Variants in TTC28 observed in about 807,000 individuals in gnomAD.
TTC28 encodes the protein tetratricopeptide repeat domain 28.
Under a neutral mutation model 198.0 loss-of-function variants are expected in TTC28, and 61 were observed. That is an observed-to-expected ratio of 0.31 (90% CI 0.25 to 0.38). The LOEUF (loss-of-function observed/expected upper bound fraction) is 0.38, where lower values mean the gene tolerates loss of function less well. Ranked by LOEUF, TTC28 falls within the 10% of genes least tolerant of loss-of-function variation. The pLI is 1.00. For synonymous variants in TTC28, 1,171 were observed against 1,297.8 expected (o/e 0.90, Z 2.10); for missense variants, 2,678 against 3,164.0 (o/e 0.85, Z 3.69).
chr22:28,550,657 C>CT (rs2049650624), intron 2 of TTC28, among the ~76,000 whole-genome samples: 1 of 152,008 alleles, frequency 6.6e-6, no homozygotes, highest in Non-Finnish European at 1.5e-5. Context: ...TAAAAAGTAC[C>CT]ATAAATTCTA....
Position 28,663,437 on chromosome 22 carries a change from T to C in TTC28, c.102+16185A>G, listed in dbSNP as rs1206476901. On this transcript the variant is annotated intron_variant, in intron 1 of 22. Transcript: ENST00000397906. Reference sequence around the variant, plus strand: ...GACAGTGGGCGCAGGCCAGTGTGTGTGCGCACCGTGCGCGAGCCGAAGCAG... The same window carrying C: ...GACAGTGGGCGCAGGCCAGTGTGTGCGCGCACCGTGCGCGAGCCGAAGCAG... Among the ~76,000 whole-genome samples, 581 of 144,236 alleles carry C rather than the reference T, an allele frequency of 4.0e-3. 2 individuals carry two copies. The highest frequency in any genetic ancestry group is 0.014 in the African/African-American group (541 of 38,698). 94.6% of individuals were successfully genotyped at this position (144,236 alleles called of 152,430 possible).
intron 2 of TTC28, among the ~76,000 whole-genome samples, chr22:28,317,781 C>A (rs1435699556): frequency 6.6e-6 from 1 of 152,148 alleles, no homozygotes; most frequent in Non-Finnish European, 1.5e-5. Context: ...CATAAAGTAT[C>A]AAGCAGTGAA....
intron 12 of TTC28, among the ~76,000 whole-genome samples, chr22:28,090,881 T>A (rs928333959): frequency 2.0e-5 from 3 of 152,150 alleles, no homozygotes; most frequent in African/African-American, 7.2e-5. Flanking sequence ...CAATATGAGT[T>A]TAAGCTCACA....
chr22:28,014,282 G>T lies in TTC28; in HGVS notation c.4184C>A (p.Ala1395Asp), dbSNP rs776057134. 13 of 1,551,658 alleles carry T rather than the reference G, an allele frequency of 8.4e-6. No individual in the cohort carries two copies. The South Asian group carries it at 1.3e-4, about 16-fold the overall frequency. Residue 1395 changes from alanine (A) to aspartate (D), a missense_variant, in exon 14 of 23, where the codon GCC (alanine) becomes GAC (aspartate). Ala to Asp is a moderately radical substitution (Grantham distance 126, BLOSUM62 -2). Around this residue, in one of 8 missense-constraint regions of TTC28, gnomAD observed 727 missense variants for 861.9 expected, o/e 0.84. Coordinates refer to ENST00000397906, the MANE Select transcript of TTC28 (RefSeq NM_001145418.2). Reference sequence around the variant, plus strand: ...GGGCGCGATGAGCAGGTCATACAGGGCACGGAGCGGGGGCTTGGCAAACGA... The same window carrying T: ...GGGCGCGATGAGCAGGTCATACAGGTCACGGAGCGGGGGCTTGGCAAACGA... ...QSSFAKPPLR[A>D]LYDLLIAPME...
At chr22:28,285,452 G>C (rs900775661) in intron 5 of TTC28, among the ~76,000 whole-genome samples, 2 of 152,116 alleles carry the variant, frequency 1.3e-5, no homozygotes, top group African/African-American at 4.8e-5. Flanking sequence ...CAAACCTTCA[G>C]TTATAAGACA....
intron 5 of TTC28, among the ~76,000 whole-genome samples, chr22:28,243,174 CAAAAAAAAAAAAAAAAAAAAAAAAAAAA>C (rs754700795): frequency 1.5e-5 from 1 of 68,320 alleles, no homozygotes; most frequent in Non-Finnish European, 2.6e-5. Flanking sequence ...CCCCTCTCTA[CAAAAAAAAAAAAAAAAAAAAAAAAAAAA>C]AAAAAAAAAA....
At chr22:28,591,030 C>CATAT (rs2050420189) in intron 2 of TTC28, among the ~76,000 whole-genome samples, 7 of 68,522 alleles carry the variant, frequency 1.0e-4, no homozygotes, top group Non-Finnish European at 2.0e-4. Context: ...CACACACACA[C>CATAT]ACACACACAC....
chr22:27,983,094 A>T lies in TTC28; in HGVS notation c.6573T>A (p.Asn2191Lys), dbSNP rs1157945085. The T allele has an allele frequency of 6.4e-7, 1 of 1,551,648 alleles. No homozygotes were observed. Among genetic ancestry groups the T allele is most frequent in the Admixed American group, 2.0e-5 (1 of 50,996 alleles). The change falls in exon 23 of 23, where the codon AAT becomes AAA. Residue 2191 changes from asparagine (N) to lysine (K), a missense_variant. Around this residue, in one of 8 missense-constraint regions of TTC28, gnomAD observed 622 missense variants for 656.0 expected, o/e 0.95. Transcript: ENST00000397906. ...GCGCCTGAACGCCGTCTTCAGGGTTATTACTCTTGCTCACCTGGCCGCCGC... is the reference window on the plus strand; with the variant it reads ...GCGCCTGAACGCCGTCTTCAGGGTTTTTACTCTTGCTCACCTGGCCGCCGC... ...QRSGGQVSKS[N>K]NPEDGVQAPS... is the part of the protein sequence containing the mutation.
intron 5 of TTC28, among the ~76,000 whole-genome samples, chr22:28,235,541 C>G (rs1307704379): frequency 1.3e-5 from 2 of 152,100 alleles, no homozygotes; most frequent in Non-Finnish European, 2.9e-5. Context: ...GATAAGAAAA[C>G]ATTTTATAAA....
chr22:28,537,561 G>A (rs1231257990), intron 2 of TTC28, among the ~76,000 whole-genome samples: 1 of 151,966 alleles, frequency 6.6e-6, no homozygotes, highest in Non-Finnish European at 1.5e-5. Flanking sequence ...GGAGTAGGGA[G>A]AGGCTGTCAA....
intron 12 of TTC28, among the ~76,000 whole-genome samples, chr22:28,091,547 A>G (rs1941814238): frequency 6.6e-6 from 1 of 152,176 alleles, no homozygotes; most frequent in South Asian, 2.1e-4. Context: ...AGGGAAAGGT[A>G]GCAGGGCAGA....
At chr22:28,566,719 GAGAAAAAAAGTTCTTGAAAATC>G (rs2049975469) in intron 2 of TTC28, among the ~76,000 whole-genome samples, 1 of 151,950 alleles carries the variant, frequency 6.6e-6, no homozygotes, top group Non-Finnish European at 1.5e-5. Context: ...AAAGAACAAA[GAGAAAAAAAGTTCTTGAAAATC>G]AGAAATAAGA....
chr22:28,456,323 G>A (rs1326354569), intron 2 of TTC28, among the ~76,000 whole-genome samples: 1 of 152,136 alleles, frequency 6.6e-6, no homozygotes, highest in African/African-American at 2.4e-5. Context: ...GGGGGATGGA[G>A]GCAATGAGGA....
In TTC28 at chr22:28,554,943, G is replaced by A. The variant is rs986571723; in HGVS notation, c.381+74609C>T. On this transcript the variant is annotated intron_variant, in intron 2 of 22. Coordinates refer to ENST00000397906, the MANE Select transcript of TTC28 (RefSeq NM_001145418.2). ...ATCCACGGAGTGAGAAAAAGTCTTC[G>A]CAATCTATATATCCAACAAAGGACT... Among the ~76,000 whole-genome samples, 77 of 152,056 alleles carry A rather than the reference G, an allele frequency of 5.1e-4. 2 individuals are homozygous for A. Among genetic ancestry groups the A allele is most frequent in the South Asian group, 2.1e-4 (1 of 4,818 alleles).
chr22:28,380,842 C>T (rs1039777580), intron 2 of TTC28, among the ~76,000 whole-genome samples: 9 of 152,128 alleles, frequency 5.9e-5, no homozygotes, highest in African/African-American at 2.2e-4. Context: ...ACTATTTTTA[C>T]AGATGAGTGC....
chr22:28,305,083 C>G (rs2045112773), intron 3 of TTC28, among the ~76,000 whole-genome samples: 1 of 152,028 alleles, frequency 6.6e-6, no homozygotes, highest in Non-Finnish European at 1.5e-5. Context: ...CCCCGCCTCC[C>G]AGGTTCAAGC....
intron 2 of TTC28, among the ~76,000 whole-genome samples, chr22:28,332,151 A>C (rs1348400035): frequency 6.6e-6 from 1 of 152,028 alleles, no homozygotes; most frequent in Non-Finnish European, 1.5e-5. Flanking sequence ...AGAATCCCAA[A>C]TGCTTAAAAA....
chr22:28,646,019 T>A (rs2146250890), intron 1 of TTC28, among the ~76,000 whole-genome samples: 1 of 152,100 alleles, frequency 6.6e-6, no homozygotes, highest in African/African-American at 2.4e-5. Flanking sequence ...AACGAGATAA[T>A]GATGCCCATT....
chr22:28,251,592 T>C (rs943183290), intron 5 of TTC28, among the ~76,000 whole-genome samples: 3 of 152,194 alleles, frequency 2.0e-5, no homozygotes, highest in African/African-American at 7.2e-5. Context: ...AACTGAAGTG[T>C]AAAGTGATTC....
Sources: gnomAD v4.1 joint callset for allele counts (sites outside exome capture counted in the v4.1 genomes callset) on GRCh38, gnomAD v4.1.1 for gene constraint, gnomAD v4.1.1 regional missense constraint, MANE v1.5 for transcripts, NCBI Gene and HGNC (gene_info 2026-07-23, HGNC 2026-07-21) for gene names.